PAPLN: variants seen among roughly 807,000 people sequenced by gnomAD.
PAPLN encodes the protein papilin.
Under a neutral mutation model 159.0 loss-of-function variants are expected in PAPLN, and 146 were observed. The observed-to-expected ratio is 0.92, with a 90% confidence interval of 0.80 to 1.05. The LOEUF is 1.05. PAPLN is among the 50% of genes least tolerant of loss of function. The pLI is 0.00. For synonymous variants in PAPLN, 734 were observed against 702.9 expected (o/e 1.04, Z -0.70); for missense variants, 1,720 against 1,743.9 (o/e 0.99, Z 0.24).
intron 5 of PAPLN, among the ~76,000 whole-genome samples, chr14:73,247,890 G>A (rs1331326949): frequency 4.8e-4 from 3 of 6,260 alleles, no homozygotes; most frequent in African/African-American, 1.2e-3. Context: ...CATATCCTCC[G>A]TGTGTGTGTG....
Position 73,265,285 on chromosome 14 carries a change from C to A in PAPLN, c.3126-85C>A. 6.5e-7 allele frequency: 1 copy of A among 1,527,848 alleles called. No individual in the cohort carries two copies. The highest frequency in any genetic ancestry group is 8.8e-7 in the Non-Finnish European group (1 of 1,141,232). 94.6% of individuals were successfully genotyped at this position (1,527,848 alleles called of 1,614,324 possible). On this transcript the variant is annotated intron_variant, in intron 22 of 26. Transcript: ENST00000644200. This position sits in a 1 kb window ranked among gnomAD's most constrained non-coding sequence, Gnocchi z 4.1. Reference sequence around the variant, plus strand: ...AATCTGGCTGGAGAGGGAGAAGGGGCCACCAGGCTTGTGCAGAGGTGCCCA... The same window carrying A: ...AATCTGGCTGGAGAGGGAGAAGGGGACACCAGGCTTGTGCAGAGGTGCCCA...
In PAPLN at chr14:73,244,703, C is replaced by T; in HGVS notation, c.114C>T (p.Cys38=). ...GACCCTGGAGCCAGTGGAGCCCCTG[C>T]AGCCGGACCTGTGGAGGGGGTGTCA... The part of the protein sequence containing the change: ...TWGPWSQWSP[C]SRTCGGGVSF... Residue 38 remains cysteine, a synonymous_variant, in exon 3 of 27, where the codon TGC becomes TGT. Coordinates refer to ENST00000644200, the MANE Select transcript of PAPLN (RefSeq NM_001365906.3). 3 of 1,599,306 alleles carry T rather than the reference C, an allele frequency of 1.9e-6. No individual in the cohort carries two copies. The highest frequency in any genetic ancestry group is 1.1e-5 in the South Asian group (1 of 88,178).
chr14:73,250,772 G>A (rs1644377645), intron 6 of PAPLN, 135 bp from the exon 7 acceptor site: 2 of 1,113,726 alleles, frequency 1.8e-6, no homozygotes, highest in Admixed American at 7.1e-5. Context: ...CCAGTCCCCT[G>A]GCTGGTGGCT....
rs767458766 is a variant in PAPLN at position 73,254,899 on chromosome 14, G to C, written c.1508G>C (p.Gly503Ala). Residue 503 changes from glycine to alanine, a missense_variant, in exon 14 of 27, where the codon GGC (glycine) becomes GCC (alanine). Coordinates refer to ENST00000644200, the MANE Select transcript of PAPLN (RefSeq NM_001365906.3). Reference protein sequence around the residue: ...WGLCSKSCSSGTRRRQVICAI... With the variant: ...WGLCSKSCSSATRRRQVICAI... ...CAGTGCTCCAAGAGCTGCAGCTCGG[G>C]CACTCGGAGGCGACAGGTCATCTGT... 1.1e-5 allele frequency: 17 copies of C among 1,612,390 alleles called. 1 individual carries two copies. The highest frequency in any genetic ancestry group is 6.7e-5 in the East Asian group (3 of 44,892).
rs1042536861 is a variant in PAPLN, at chr14:73,259,342, C to T, written c.1782C>T (p.Asp594=). 11 of 1,611,100 alleles carry T rather than the reference C, an allele frequency of 6.8e-6. No individual in the cohort carries two copies. Among genetic ancestry groups the T allele is most frequent in the African/African-American group, 1.3e-5 (1 of 74,864 alleles). The part of the protein sequence containing the change: ...ARGDHRGERG[D]PRGDQGTHLS... ...GTGACCACAGGGGAGAACGAGGTGA[C>T]CCCAGGGGCGACCAAGGCACCCACC... Residue 594 remains aspartate, a synonymous_variant, in exon 16 of 27, where the codon GAC becomes GAT. Coordinates refer to ENST00000644200, the MANE Select transcript of PAPLN (RefSeq NM_001365906.3).
chr14:73,263,795 C>G lies in PAPLN; in HGVS notation c.2861+13C>G, dbSNP rs376261530. On this transcript the variant is annotated intron_variant, in intron 20 of 26. Coordinates refer to ENST00000644200, the MANE Select transcript of PAPLN (RefSeq NM_001365906.3). Reference sequence around the variant, plus strand: ...TCTCCTCTGACAGGTGGGTGAGAGTCCCCCCACCTCCTCTGACAGGTGTGA... The same window carrying G: ...TCTCCTCTGACAGGTGGGTGAGAGTGCCCCCACCTCCTCTGACAGGTGTGA... 15 of 1,594,280 alleles carry G rather than the reference C, an allele frequency of 9.4e-6. No homozygotes were observed. Among genetic ancestry groups the G allele is most frequent in the South Asian group, 3.3e-5 (3 of 90,256 alleles).
In PAPLN at chr14:73,250,872, G is replaced by A. The variant is rs756510423; in HGVS notation, c.466-35G>A. 34 of 1,576,944 alleles carry A rather than the reference G, an allele frequency of 2.2e-5. No homozygotes were observed. The Middle Eastern group carries it at 5.1e-4, about 23-fold the overall frequency. ...GCCCAAGGCCTGATGTGGCCATGAT[G>A]CCGTCTCCCCTGCCTCCCGCATCTC... On this transcript the variant is annotated intron_variant, in intron 6 of 26. Transcript: ENST00000644200.
chr14:73,266,584 A>G lies in PAPLN; in HGVS notation c.3347A>G (p.Asn1116Ser), dbSNP rs748870106. The G allele has an allele frequency of 5.6e-6, 9 of 1,614,042 alleles. No individual in the cohort carries two copies. Among genetic ancestry groups the G allele is most frequent in the East Asian group, 2.2e-5 (1 of 44,890 alleles). The change falls in exon 24 of 27, where the codon AAT becomes AGT. Residue 1116 changes from asparagine (N) to serine (S), a missense_variant. By Grantham distance (46) the Asn-to-Ser change is conservative (BLOSUM62 1). Coordinates refer to ENST00000644200, the MANE Select transcript of PAPLN (RefSeq NM_001365906.3). Reference protein sequence around the residue: ...DGGFYTCVAFNGQDRDQRWVQ... With the variant: ...DGGFYTCVAFSGQDRDQRWVQ... The stretch of plus-strand genomic sequence containing the variant: ...GGCTTCTACACCTGTGTCGCTTTCA[A>G]TGGGCAGGACCGAGACCAGCGATGG...
At chr14:73,242,175 C>T (rs571148241) in intron 2 of PAPLN, among the ~76,000 whole-genome samples, 31 of 152,364 alleles carry the variant, frequency 2.0e-4, no homozygotes, top group East Asian at 1.5e-3. Context: ...TAGGATGGGA[C>T]GGACTAGGGC....
At chr14:73,252,881 C>T (rs1437721999) in intron 11 of PAPLN, 106 bp downstream of exon 11, 2 of 1,517,102 alleles carry the variant, frequency 1.3e-6, no homozygotes, top group East Asian at 2.3e-5. Context: ...AGGTGGGGGT[C>T]CAGGGCCCCC....
At position 73,245,498 on chromosome 14, in the gene PAPLN, G is replaced by T. The variant is rs1164602135; in HGVS notation, c.171-138G>T. 4 of 897,350 alleles carry T rather than the reference G, an allele frequency of 4.5e-6. No homozygotes were observed. The Admixed American group carries it at 1.1e-4, about 24-fold the overall frequency. The allele number at this position is 897,350 out of a possible 1,614,324, so 55.6% of individuals were successfully genotyped here. On this transcript the variant is annotated intron_variant, in intron 3 of 26. Coordinates refer to ENST00000644200, the MANE Select transcript of PAPLN (RefSeq NM_001365906.3). The surrounding 1 kb of genome is among the most constrained non-coding windows in gnomAD (Gnocchi z 4.2). ...TCACTCCCACCTGGGGGATTTACGG[G>T]GTGGGGTCGGGGGACACCCTCTCAC...
intron 5 of PAPLN, among the ~76,000 whole-genome samples, chr14:73,247,136 A>G (rs920900401): frequency 6.6e-6 from 1 of 152,118 alleles, no homozygotes; most frequent in Admixed American, 6.5e-5. Context: ...AGCGGTAGCA[A>G]TGGTGCCCCA....
At chr14:73,251,876 C>T (rs544466122) in intron 9 of PAPLN, 40 bp downstream of exon 9, 85 of 1,559,338 alleles carry the variant, frequency 5.5e-5, no homozygotes, top group Middle Eastern at 1.7e-4. Context: ...GTGGGCAGCT[C>T]GTGGTCCCCA....
chr14:73,252,773 G>A lies in PAPLN; in HGVS notation c.1092G>A (p.Lys364=), dbSNP rs765949524. The A allele has an allele frequency of 7.4e-6, 12 of 1,613,242 alleles. No homozygotes were observed. The highest frequency in any genetic ancestry group is 4.0e-5 in the African/African-American group (3 of 74,938). Residue 364 remains lysine (K), a splice_region_variant and synonymous_variant, in exon 11 of 27, where the codon AAG becomes AAA. Coordinates refer to ENST00000644200, the MANE Select transcript of PAPLN (RefSeq NM_001365906.3). ...SCNLHPCPET[K]RWKAGPWAPC... is the part of the protein sequence containing the mutation. ...ATCTTCACCCTTGCCCGGAGACCAAGCGGTGAGACCTTGCCAGCCCCTCTA... is the reference window on the plus strand; with the variant it reads ...ATCTTCACCCTTGCCCGGAGACCAAACGGTGAGACCTTGCCAGCCCCTCTA...
rs1039208308 is a variant in PAPLN, at chr14:73,273,297, A to T, written c.*633A>T. Reference sequence around the variant, plus strand: ...GCCCAGCCATCAATGCATTTTTTTTATTTTTTTTTTGAGACAGAGTTTCGC... The same window carrying T: ...GCCCAGCCATCAATGCATTTTTTTTTTTTTTTTTTTGAGACAGAGTTTCGC... On this transcript the variant is annotated 3_prime_UTR_variant, in exon 27 of 27. Transcript: ENST00000644200. 1.6e-4 allele frequency: 20 copies of T among 125,400 alleles called. No individual in the cohort carries two copies. The highest frequency in any genetic ancestry group is 2.5e-4 in the Admixed American group (3 of 12,222). 7.8% of individuals were successfully genotyped at this position (125,400 alleles called of 1,614,324 possible). A position where few individuals can be genotyped will look rare whatever the true frequency, so the allele number is the denominator to read the frequency against.
intron 2 of PAPLN, among the ~76,000 whole-genome samples, chr14:73,240,791 A>T (rs1883459715): frequency 6.6e-6 from 1 of 152,168 alleles, no homozygotes; most frequent in African/African-American, 2.4e-5. Context: ...TCTAGACCAC[A>T]GGCCCCACCT....
chr14:73,264,046 T>C lies in PAPLN; in HGVS notation c.2862-165T>C, dbSNP rs542058788. 5,474 of 1,518,898 alleles carry C rather than the reference T, an allele frequency of 3.6e-3. 17 individuals carry two copies. Among genetic ancestry groups the C allele is most frequent in the Non-Finnish European group, 4.2e-3 (4,759 of 1,138,244 alleles). The allele number at this position is 1,518,898 out of a possible 1,614,324, so 94.1% of individuals were successfully genotyped here. A position where few individuals can be genotyped will look rare whatever the true frequency, so the allele number is the denominator to read the frequency against. ...AGCTCCCTCCACCTCCGCTGACAGG[T>C]GTGTGTGACAGCCTCCCCTGAAGCA... On this transcript the variant is annotated intron_variant, in intron 20 of 26. Transcript: ENST00000644200.
intron 25 of PAPLN, among the ~76,000 whole-genome samples, chr14:73,267,716 G>A (rs1049853084): frequency 4.6e-5 from 7 of 152,184 alleles, no homozygotes; most frequent in African/African-American, 1.7e-4. Context: ...GGTGGGAGCC[G>A]CTAGAGGTGT....
chr14:73,251,169 C>A, intron 7 of PAPLN, 139 bp downstream of exon 7: 2 of 1,407,430 alleles, frequency 1.4e-6, no homozygotes, highest in Non-Finnish European at 1.9e-6. Context: ...CAGGTCACAT[C>A]TGAAAGGCCC....
Sources: gnomAD v4.1 joint callset for allele counts (sites outside exome capture counted in the v4.1 genomes callset) on GRCh38, gnomAD v4.1.1 for gene constraint, Gnocchi (gnomAD v3.1) non-coding constraint, MANE v1.5 for transcripts, NCBI Gene and HGNC (gene_info 2026-07-23, HGNC 2026-07-21) for gene names.